The following RPRD1A variants were observed in gnomAD, a reference collection of about 807,000 sequenced individuals.
RPRD1A encodes regulation of nuclear pre-mRNA domain containing 1A, also known as regulation of nuclear pre-mRNA domain-containing protein 1A.
RPRD1A carries 9 observed loss-of-function variants against 37.8 expected under a neutral mutation model. The ratio of observed to expected loss-of-function variants is 0.24; its 90% CI spans 0.14 to 0.42. RPRD1A has a LOEUF of 0.42. Among genes scored for constraint, RPRD1A ranks in the 10% least tolerant of loss-of-function variants. The pLI is 1.00. For synonymous variants in RPRD1A, 138 were observed against 139.7 expected (o/e 0.99, Z 0.08); for missense variants, 255 against 371.0 (o/e 0.69, Z 2.57).
rs9949769 is a variant in RPRD1A at position 35,997,563 on chromosome 18, T to C, written c.790-4263A>G. On this transcript the variant is annotated intron_variant, in intron 6 of 6. Transcript: ENST00000399022. Reference sequence around the variant, plus strand: ...AGCTACACGCTTTTAAAAATTATTTTTGGAAAGCAGAGAATGTAAATAAAA... The same window carrying C: ...AGCTACACGCTTTTAAAAATTATTTCTGGAAAGCAGAGAATGTAAATAAAA... 9.8e-3 allele frequency among the ~76,000 whole-genome samples: 1,497 copies of C among 152,298 alleles called. 23 individuals carry two copies. The highest frequency in any genetic ancestry group is 0.034 in the African/African-American group (1,422 of 41,550).
intron 1 of RPRD1A, among the ~76,000 whole-genome samples, chr18:36,046,378 G>C (rs1052030142): frequency 5.3e-5 from 8 of 152,090 alleles, no homozygotes. Flanking sequence ...TTTCACCATG[G>C]TACAGCAATA....
At chr18:36,015,131 T>TACACACACACACACACACACACACAC (rs201284977) in intron 6 of RPRD1A, among the ~76,000 whole-genome samples, 3 of 122,894 alleles carry the variant, frequency 2.4e-5, no homozygotes, top group African/African-American at 9.2e-5. Context: ...GGGTCTCACA[T>TACACACACACACACACACACACACAC]ACACACACAC....
chr18:35,998,036 C>T (rs903722431), intron 6 of RPRD1A, among the ~76,000 whole-genome samples: 1 of 152,184 alleles, frequency 6.6e-6, no homozygotes, highest in Non-Finnish European at 1.5e-5. Context: ...TGGTTGTGCT[C>T]ATTTTCGTTT....
intron 6 of RPRD1A, among the ~76,000 whole-genome samples, chr18:36,011,400 C>T: frequency 6.6e-6 from 1 of 152,168 alleles, no homozygotes; most frequent in East Asian, 1.9e-4. Context: ...TTAATAACCA[C>T]TGTCCTCTTT....
chr18:36,017,746 G>C (rs757582880), intron 6 of RPRD1A, among the ~76,000 whole-genome samples: 1 of 152,170 alleles, frequency 6.6e-6, no homozygotes, highest in Non-Finnish European at 1.5e-5. Context: ...TTCCATGAAT[G>C]AGTGAACAGG....
At chr18:36,033,449 T>C (rs1911957960) in intron 2 of RPRD1A, among the ~76,000 whole-genome samples, 1 of 152,038 alleles carries the variant, frequency 6.6e-6, no homozygotes, top group African/African-American at 2.4e-5. Flanking sequence ...AATATAGCAG[T>C]TGGTTCTGGT....
At chr18:36,038,048 G>A (rs75567313) in intron 1 of RPRD1A, among the ~76,000 whole-genome samples, 2,201 of 152,240 alleles carry the variant, frequency 0.014, 43 homozygotes, top group African/African-American at 0.046. Flanking sequence ...ATAAAAGTTC[G>A]AAAAATTTGC....
intron 6 of RPRD1A, among the ~76,000 whole-genome samples, chr18:36,017,414 C>T (rs938563477): frequency 2.6e-5 from 4 of 152,142 alleles, no homozygotes; most frequent in Admixed American, 1.3e-4. Context: ...AATCTCTCTC[C>T]AATCTAATCC....
chr18:36,048,785 T>C (rs1474166709), intron 1 of RPRD1A, among the ~76,000 whole-genome samples: 2 of 151,686 alleles, frequency 1.3e-5, no homozygotes, highest in Non-Finnish European at 2.9e-5. Flanking sequence ...GCAAGTACAA[T>C]AGGGCAAGAA....
chr18:36,056,968 A>T (rs1370850234), intron 1 of RPRD1A, among the ~76,000 whole-genome samples: 1 of 147,858 alleles, frequency 6.8e-6, no homozygotes, highest in Non-Finnish European at 1.5e-5. Context: ...TAATCCCAGC[A>T]CGTTGGGAGG....
intron 6 of RPRD1A, among the ~76,000 whole-genome samples, chr18:36,008,922 TAAG>T (rs776877762): frequency 1.3e-5 from 2 of 152,076 alleles, no homozygotes; most frequent in Non-Finnish European, 2.9e-5. Flanking sequence ...ACTTTGCTGA[TAAG>T]AAGTGAAGAT....
chr18:36,061,261 T>C lies in RPRD1A; in HGVS notation c.151+5993A>G, dbSNP rs541890342. ...GCCCTTACCACAAGACTATAAATTC[T>C]GAGGGCAGGGATAAACTGTTTTCCC... On this transcript the variant is annotated intron_variant, in intron 1 of 6. Transcript: ENST00000399022. Among the ~76,000 whole-genome samples, 163 of 152,366 alleles carry C rather than the reference T, an allele frequency of 1.1e-3. 1 individual carries two copies. The highest frequency in any genetic ancestry group is 3.7e-3 in the African/African-American group (154 of 41,586).
In RPRD1A at chr18:36,067,412, A is replaced by T. The variant is rs1197243467; in HGVS notation, c.-8T>A. 1.9e-6 allele frequency: 3 copies of T among 1,604,508 alleles called. No homozygotes were observed. The highest frequency in any genetic ancestry group is 1.7e-5 in the Admixed American group (1 of 58,674). On this transcript the variant is annotated 5_prime_UTR_variant, in exon 1 of 7. Coordinates refer to ENST00000399022, the MANE Select transcript of RPRD1A (RefSeq NM_018170.5). ...CTCAGAGAAGGCTGACATCCCTCCG[A>T]CACCACGTTCACGCCGTCCCACGCG...
Position 36,033,805 on chromosome 18 carries a change from G to C in RPRD1A, c.184C>G (p.Leu62Val). Reference sequence around the variant, plus strand: ...CTGTTCTGTATGACATCATTGGCTAGGTAGAGAAAAGTAAGCTTCCTGTTT... The same window carrying C: ...CTGTTCTGTATGACATCATTGGCTACGTAGAGAAAAGTAAGCTTCCTGTTT... ...KPNRKLTFLY[L>V]ANDVIQNSKR... The change falls in exon 2 of 7, where the codon CTA (leucine) becomes GTA (valine). Residue 62 changes from leucine to valine, a missense_variant. Physicochemically the swap from Leu to Val is conservative, Grantham distance 32. This residue lies in a region of RPRD1A where 44 missense variants were observed against 102.1 expected (regional missense o/e 0.43). Transcript: ENST00000399022. 6.2e-7 allele frequency: 1 copy of C among 1,611,596 alleles called. No individual in the cohort carries two copies. The highest frequency in any genetic ancestry group is 1.7e-5 in the Admixed American group (1 of 59,512).
At chr18:36,035,894 G>GA (rs1315150492) in intron 1 of RPRD1A, among the ~76,000 whole-genome samples, 4 of 151,910 alleles carry the variant, frequency 2.6e-5, no homozygotes, top group South Asian at 2.1e-4. Context: ...CAAATTCATA[G>GA]AAAAAAAGAG....
At chr18:36,050,808 G>C (rs1913327060) in intron 1 of RPRD1A, among the ~76,000 whole-genome samples, 1 of 151,116 alleles carries the variant, frequency 6.6e-6, no homozygotes, top group Admixed American at 6.6e-5. Context: ...GCTTCCAAAA[G>C]TGTTGGGATT....
rs377216293 is a variant in RPRD1A, at chr18:36,031,099, T to TAAA, written c.282-5_282-3dup. On this transcript the variant is annotated splice_polypyrimidine_tract_variant and splice_region_variant and intron_variant, in intron 2 of 6. Transcript: ENST00000399022. ...TTCTTACAACTTTCATCAGTTTCAC[T>TAAA]AAAAAAAAAAAAAAAGAAAAAAAGA... is the stretch of plus-strand genomic sequence containing the variant. 97 of 1,371,446 alleles carry TAAA rather than the reference T, an allele frequency of 7.1e-5. No individual in the cohort carries two copies. The highest frequency in any genetic ancestry group is 2.1e-4 in the East Asian group (8 of 38,196). The allele number at this position is 1,371,446 out of a possible 1,614,324, so 85.0% of individuals were successfully genotyped here.
At chr18:35,997,044 C>T (rs1255534908) in intron 6 of RPRD1A, among the ~76,000 whole-genome samples, 1 of 146,726 alleles carries the variant, frequency 6.8e-6, no homozygotes, top group Non-Finnish European at 1.5e-5. Flanking sequence ...TATATGGCCA[C>T]TACAGCAAAT....
chr18:36,062,742 A>G (rs543482862), intron 1 of RPRD1A, among the ~76,000 whole-genome samples: 10 of 152,328 alleles, frequency 6.6e-5, no homozygotes, highest in African/African-American at 2.4e-4. Context: ...AAAATAGTCC[A>G]ATCTATAGAG....
Sources: allele counts gnomAD v4.1 joint callset (sites outside exome capture counted in the v4.1 genomes callset), GRCh38; gene constraint gnomAD v4.1.1; regional missense constraint gnomAD v4.1.1; transcripts MANE v1.5; gene names NCBI Gene and HGNC (gene_info 2026-07-23, HGNC 2026-07-21).